CPEB3: variants seen among roughly 807,000 people sequenced by gnomAD.
CPEB3 encodes the protein cytoplasmic polyadenylation element-binding protein 3.
Under a neutral mutation model 67.2 loss-of-function variants are expected in CPEB3, and 20 were observed. The ratio of observed to expected loss-of-function variants is 0.30; its 90% CI spans 0.21 to 0.43. The LOEUF is 0.43. Among genes scored for constraint, CPEB3 ranks in the 20% least tolerant of loss-of-function variants. CPEB3 has a pLI of 1.00. For synonymous variants in CPEB3, 376 were observed against 393.1 expected, an observed-to-expected ratio of 0.96 and a Z score of 0.51; for missense variants, 746 against 968.6, an observed-to-expected ratio of 0.77 and a Z score of 3.05.
intron 1 of CPEB3, among the ~76,000 whole-genome samples, chr10:92,277,030 T>C (rs775689925): frequency 6.6e-5 from 10 of 152,172 alleles, no homozygotes; most frequent in Non-Finnish European, 1.3e-4. Flanking sequence ...TTTATATTAT[T>C]GAGTTGAAGA....
chr10:92,282,086 C>T (rs1397136438), intron 1 of CPEB3, among the ~76,000 whole-genome samples: 1 of 152,286 alleles, frequency 6.6e-6, no homozygotes, highest in Admixed American at 6.5e-5. Context: ...AAAATTGATA[C>T]TTCAGGAACA....
At chr10:92,139,777 T>C (rs992751525) in intron 6 of CPEB3, among the ~76,000 whole-genome samples, 12 of 152,238 alleles carry the variant, frequency 7.9e-5, no homozygotes, top group Middle Eastern at 6.8e-3. Context: ...ACTGTATGCC[T>C]ATATCAAAAT....
chr10:92,092,102 T>C (rs1843643536), intron 7 of CPEB3, among the ~76,000 whole-genome samples, 158 bp from the exon 8 acceptor site: 4 of 152,234 alleles, frequency 2.6e-5, no homozygotes. Context: ...ATTAAGTACC[T>C]TTCAATAGAA....
chr10:92,281,547 T>G (rs1045065269), intron 1 of CPEB3, among the ~76,000 whole-genome samples: 7 of 152,196 alleles, frequency 4.6e-5, no homozygotes, highest in Non-Finnish European at 7.3e-5. Context: ...ATTTTGATTG[T>G]CAGTCTCTCT....
intron 1 of CPEB3, among the ~76,000 whole-genome samples, chr10:92,249,346 T>C (rs1360651488): frequency 6.8e-6 from 1 of 146,698 alleles, no homozygotes; most frequent in Non-Finnish European, 1.5e-5. Context: ...GCCACTGCAC[T>C]CCAGTCTGGT....
chr10:92,113,334 G>A (rs1443565116), intron 6 of CPEB3, among the ~76,000 whole-genome samples: 8 of 152,170 alleles, frequency 5.3e-5, no homozygotes, highest in East Asian at 1.9e-4. Flanking sequence ...AGGTGCCAGG[G>A]AATCTTAAAA....
chr10:92,139,542 T>A (rs1310486239), intron 6 of CPEB3, among the ~76,000 whole-genome samples: 15 of 53,478 alleles, frequency 2.8e-4, no homozygotes, highest in Admixed American at 2.2e-3. Flanking sequence ...GGAAAGAAGG[T>A]GGGGGTGGGT....
At chr10:92,062,449 A>C (rs932386306) in intron 9 of CPEB3, among the ~76,000 whole-genome samples, 3 of 152,148 alleles carry the variant, frequency 2.0e-5, no homozygotes, top group African/African-American at 7.2e-5. Flanking sequence ...AAGGGTGATT[A>C]TTTTGGGTCA....
intron 3 of CPEB3, 83 bp downstream of exon 3, chr10:92,192,393 AC>A: frequency 1.5e-6 from 2 of 1,353,492 alleles, no homozygotes; most frequent in Non-Finnish European, 2.0e-6. Context: ...CAAACAAAAA[AC>A]AAACCAGAAA....
intron 7 of CPEB3, among the ~76,000 whole-genome samples, chr10:92,104,466 A>G (rs1303959293): frequency 6.7e-6 from 1 of 148,390 alleles, no homozygotes; most frequent in African/African-American, 2.5e-5. Flanking sequence ...GGCTCACTGC[A>G]AGCCCCACCT....
intron 1 of CPEB3, among the ~76,000 whole-genome samples, chr10:92,280,021 GAA>G (rs1842188816): frequency 6.6e-6 from 1 of 151,636 alleles, no homozygotes; most frequent in Non-Finnish European, 1.5e-5. Flanking sequence ...AAAAAAGAAA[GAA>G]AGAGAGAAAG....
At chr10:92,273,508 A>G (rs924632202) in intron 1 of CPEB3, among the ~76,000 whole-genome samples, 1 of 152,172 alleles carries the variant, frequency 6.6e-6, no homozygotes, top group African/African-American at 2.4e-5. Flanking sequence ...TAAGTAGAGG[A>G]AGACTACTTA....
intron 7 of CPEB3, among the ~76,000 whole-genome samples, chr10:92,104,328 G>A (rs1232433025): frequency 2.6e-5 from 4 of 151,980 alleles, no homozygotes; most frequent in Non-Finnish European, 5.9e-5. Context: ...CTTAAGGGGT[G>A]GCGTTGGCTA....
chr10:92,110,025 G>A (rs899945112), intron 7 of CPEB3, among the ~76,000 whole-genome samples: 31 of 151,986 alleles, frequency 2.0e-4, no homozygotes, highest in African/African-American at 7.3e-4. Flanking sequence ...AACAACCCAG[G>A]GAAGAATGAT....
At position 92,074,117 on chromosome 10, in the gene CPEB3, G is replaced by GT. The variant is rs966771745; in HGVS notation, c.1869+7202dup. Reference sequence around the variant, plus strand: ...CTATTTTTTTTTAATTAAAAAAATGGTTTTTTTTTAAGAGAATGAGATCTC... The same window carrying GT: ...CTATTTTTTTTTAATTAAAAAAATGGTTTTTTTTTTAAGAGAATGAGATCTC... On this transcript the variant is annotated intron_variant, in intron 9 of 9. Coordinates refer to ENST00000265997, the MANE Select transcript of CPEB3 (RefSeq NM_014912.5). Among the ~76,000 whole-genome samples, 71 of 149,884 alleles carry GT rather than the reference G, an allele frequency of 4.7e-4. 1 individual carries two copies. The highest frequency in any genetic ancestry group is 9.8e-4 in the East Asian group (5 of 5,090).
intron 1 of CPEB3, among the ~76,000 whole-genome samples, chr10:92,261,285 C>T (rs1852787971): frequency 6.6e-6 from 1 of 152,144 alleles, no homozygotes; most frequent in African/African-American, 2.4e-5. Flanking sequence ...TAGACAGGAT[C>T]CTCACATTCA....
chr10:92,237,244 C>A (rs981972477), intron 2 of CPEB3, among the ~76,000 whole-genome samples: 1 of 152,192 alleles, frequency 6.6e-6, no homozygotes, highest in Admixed American at 6.5e-5. Flanking sequence ...AAACCCTAAG[C>A]TCTGTTTTAT....
intron 9 of CPEB3, among the ~76,000 whole-genome samples, chr10:92,063,861 A>T (rs1048508144): frequency 2.0e-5 from 3 of 152,182 alleles, no homozygotes; most frequent in African/African-American, 7.2e-5. Flanking sequence ...ATTTCAGATA[A>T]CAGAATCAAA....
At chr10:92,055,238 C>T (rs1842067086) in intron 9 of CPEB3, among the ~76,000 whole-genome samples, 2 of 152,316 alleles carry the variant, frequency 1.3e-5, no homozygotes, top group South Asian at 4.1e-4. Flanking sequence ...AGCTTGGTAA[C>T]AATGCTCCTT....
Sources: gnomAD v4.1 joint callset for allele counts (sites outside exome capture counted in the v4.1 genomes callset) on GRCh38, gnomAD v4.1.1 for gene constraint, MANE v1.5 for transcripts, NCBI Gene and HGNC (gene_info 2026-07-23, HGNC 2026-07-21) for gene names.